Variants in USP8 observed in about 807,000 individuals in gnomAD.
USP8 encodes the protein ubiquitin carboxyl-terminal hydrolase 8.
A neutral mutation model predicts 130.0 loss-of-function variants in USP8; 27 were observed. That is an observed-to-expected ratio of 0.21 (90% CI 0.15 to 0.29). The LOEUF is 0.29. Among genes scored for constraint, USP8 ranks in the 10% least tolerant of loss-of-function variants. The pLI, the probability that USP8 is intolerant of heterozygous loss-of-function variation, is 1.00. For missense variants in USP8, 1,029 were observed against 1,312.2 expected, an observed-to-expected ratio of 0.78 and a Z score of 3.33; for synonymous variants, 392 against 444.1, an observed-to-expected ratio of 0.88 and a Z score of 1.48.
At chr15:50,469,236 G>A (rs2051296172) in intron 7 of USP8, among the ~76,000 whole-genome samples, 1 of 151,864 alleles carries the variant, frequency 6.6e-6, no homozygotes, top group African/African-American at 2.4e-5. Context: ...GTTTTTTCAT[G>A]TATTTAGGGC....
chr15:50,468,138 G>A (rs2051252630), intron 7 of USP8, among the ~76,000 whole-genome samples: 1 of 150,858 alleles, frequency 6.6e-6, no homozygotes, highest in Admixed American at 6.6e-5. Flanking sequence ...GTTTCACCAT[G>A]TTGGCCAGGC....
At position 50,496,212 on chromosome 15, in the gene USP8, G is replaced by C. The variant is rs1338605487; in HGVS notation, c.2895+128G>C. 1.4e-4 allele frequency: 105 copies of C among 737,258 alleles called. 1 individual carries two copies. The Admixed American group carries it at 3.0e-3, about 21-fold the overall frequency. The allele number at this position is 737,258 out of a possible 1,614,324, so 45.7% of individuals were successfully genotyped here. ...TCAGTAAAACTCGGCCGGGCGCAGT[G>C]GCTCATACCTTGTACTCCCAGCACT... On this transcript the variant is annotated intron_variant, in intron 17 of 19. Coordinates refer to ENST00000307179, the MANE Select transcript of USP8 (RefSeq NM_005154.5).
intron 14 of USP8, among the ~76,000 whole-genome samples, chr15:50,491,513 TTGTGTA>T (rs955582336): frequency 6.6e-6 from 1 of 152,090 alleles, no homozygotes; most frequent in African/African-American, 2.4e-5. Flanking sequence ...TGTATGCTGT[TTGTGTA>T]TTTTTTTATA....
rs774487136 is a variant in USP8 at position 50,481,674 on chromosome 15, T to C, written c.1412T>C (p.Leu471Pro). ...EKARIHAETA[L>P]LMEKNKQEKE... Reference sequence around the variant, plus strand: ...GCTCGTATTCATGCAGAAACTGCTCTTCTAATGGAAAAAAACAAACAAGAA... The same window carrying C: ...GCTCGTATTCATGCAGAAACTGCTCCTCTAATGGAAAAAAACAAACAAGAA... The change falls in exon 11 of 20, where the codon CTT becomes CCT. Residue 471 changes from leucine to proline, a missense_variant. Physicochemically the swap from Leu to Pro is moderately conservative, Grantham distance 98. Coordinates refer to ENST00000307179, the MANE Select transcript of USP8 (RefSeq NM_005154.5). 7 of 1,611,938 alleles carry C rather than the reference T, an allele frequency of 4.3e-6. No homozygotes were observed.
rs2052573400 is a variant in USP8, at chr15:50,500,900, A to G, written c.*1812A>G. ...ATGAACACTAACTACTGGAACAGAAATGATAGGGCCAAGAGATGCTTTTTA... is the reference window on the plus strand; with the variant it reads ...ATGAACACTAACTACTGGAACAGAAGTGATAGGGCCAAGAGATGCTTTTTA... On this transcript the variant is annotated 3_prime_UTR_variant, in exon 20 of 20. Coordinates refer to ENST00000307179, the MANE Select transcript of USP8 (RefSeq NM_005154.5). The G allele has an allele frequency of 1.6e-6, 2 of 1,277,424 alleles. No homozygotes were observed. Among genetic ancestry groups the G allele is most frequent in the Admixed American group, 2.0e-5 (1 of 50,500 alleles). 79.1% of individuals were successfully genotyped at this position (1,277,424 alleles called of 1,614,324 possible).
At chr15:50,426,027 A>G (rs1266952004) in intron 1 of USP8, among the ~76,000 whole-genome samples, 1 of 152,200 alleles carries the variant, frequency 6.6e-6, no homozygotes, top group East Asian at 1.9e-4. Context: ...AGGCTGAGGC[A>G]GGAGAATCGC....
chr15:50,480,047 C>G (rs894918755), intron 10 of USP8, among the ~76,000 whole-genome samples: 1 of 152,162 alleles, frequency 6.6e-6, no homozygotes, highest in African/African-American at 2.4e-5. Context: ...AGGCGTGAGT[C>G]ACTGCGCCTG....
chr15:50,465,002 CT>C (rs1477942138), intron 6 of USP8, 44 bp from the exon 7 acceptor site: 1 of 1,603,242 alleles, frequency 6.2e-7, no homozygotes, highest in East Asian at 2.2e-5. Flanking sequence ...GTCAGCACAT[CT>C]TGTGCTGTTT....
chr15:50,479,132 A>T (rs896736981), intron 10 of USP8, among the ~76,000 whole-genome samples: 23 of 152,164 alleles, frequency 1.5e-4, no homozygotes, highest in African/African-American at 5.3e-4. Flanking sequence ...TTGGAAGGAG[A>T]GATCTGTATA....
chr15:50,433,371 TAGAG>T (rs1173290003), intron 1 of USP8, among the ~76,000 whole-genome samples: 1 of 152,092 alleles, frequency 6.6e-6, no homozygotes, highest in Non-Finnish European at 1.5e-5. Context: ...AGGGCAGAAA[TAGAG>T]AGAGATGGTG....
At chr15:50,447,054 G>A (rs1595915470) in intron 3 of USP8, among the ~76,000 whole-genome samples, 3 of 152,194 alleles carry the variant, frequency 2.0e-5, no homozygotes, top group Admixed American at 6.5e-5. Flanking sequence ...ATTAAAAAGT[G>A]TTTAGAATGA....
chr15:50,476,239 G>A (rs538114531), intron 8 of USP8, among the ~76,000 whole-genome samples: 1 of 152,170 alleles, frequency 6.6e-6, no homozygotes, highest in African/African-American at 2.4e-5. Context: ...AGACCAGCCT[G>A]GGCAACATGG....
At chr15:50,442,179 G>C (rs2050283249) in intron 3 of USP8, among the ~76,000 whole-genome samples, 1 of 151,824 alleles carries the variant, frequency 6.6e-6, no homozygotes, top group African/African-American at 2.4e-5. Context: ...TCTCCATGTT[G>C]GTCAGGCTGG....
intron 4 of USP8, among the ~76,000 whole-genome samples, chr15:50,450,076 G>C (rs949418245): frequency 6.6e-6 from 1 of 150,414 alleles, no homozygotes; most frequent in Non-Finnish European, 1.5e-5. Context: ...TGTATTTTTA[G>C]TAGAGACGGG....
At chr15:50,444,331 C>T (rs563117912) in intron 3 of USP8, among the ~76,000 whole-genome samples, 1 of 151,790 alleles carries the variant, frequency 6.6e-6, no homozygotes, top group East Asian at 1.9e-4. Context: ...TCTCGAACTC[C>T]TGACCCTCGG....
intron 12 of USP8, among the ~76,000 whole-genome samples, chr15:50,488,739 AT>A (rs879657589): frequency 2.4e-3 from 342 of 140,128 alleles, no homozygotes; most frequent in Middle Eastern, 3.6e-3. Flanking sequence ...TAATTTTTGG[AT>A]TTTTTTTTTT....
rs113853662 is a variant in USP8, at chr15:50,458,973, A to G, written c.336-27A>G. 1.6e-3 allele frequency: 2,649 copies of G among 1,610,304 alleles called. 45 individuals carry two copies. In the African/African-American group the frequency reaches 0.032, roughly 19 times the overall value. On this transcript the variant is annotated intron_variant, in intron 4 of 19. Coordinates refer to ENST00000307179, the MANE Select transcript of USP8 (RefSeq NM_005154.5). Reference sequence around the variant, plus strand: ...TTTCCACGATTAACGCCAATAAAAGACAATCTTGACTTATTTTTTCAACTA... The same window carrying G: ...TTTCCACGATTAACGCCAATAAAAGGCAATCTTGACTTATTTTTTCAACTA...
At chr15:50,487,972 G>A (rs2052022959) in intron 12 of USP8, among the ~76,000 whole-genome samples, 1 of 152,064 alleles carries the variant, frequency 6.6e-6, no homozygotes, top group Non-Finnish European at 1.5e-5. Flanking sequence ...TTGTGCCAAG[G>A]GTTCAAGAAC....
chr15:50,468,933 C>T (rs977988243), intron 7 of USP8, among the ~76,000 whole-genome samples: 1 of 151,976 alleles, frequency 6.6e-6, no homozygotes, highest in Non-Finnish European at 1.5e-5. Context: ...CCGATATACC[C>T]CCTGTAAGTT....
Sources: allele counts gnomAD v4.1 joint callset (sites outside exome capture counted in the v4.1 genomes callset), GRCh38; gene constraint gnomAD v4.1.1; transcripts MANE v1.5; gene names NCBI Gene and HGNC (gene_info 2026-07-23, HGNC 2026-07-21).